Variants in MOCOS observed in about 807,000 individuals in gnomAD.
MOCOS encodes molybdenum cofactor sulfurase, also known as human molybdenum cofactor sulfurase.
Under a neutral mutation model 83.6 loss-of-function variants are expected in MOCOS, and 86 were observed. The observed-to-expected ratio is 1.03, with a 90% CI of 0.86 to 1.23. The LOEUF is 1.23. Ranked by LOEUF, MOCOS falls within the 50% of genes most tolerant of loss-of-function variation. The probability of loss-of-function intolerance (pLI) is 0.00; values close to 1 mark genes in which losing one functional copy is unlikely to be tolerated. For synonymous variants in MOCOS, 445 were observed against 434.7 expected, an observed-to-expected ratio of 1.02 and a Z score of -0.29; for missense variants, 1,120 against 1,126.9, an observed-to-expected ratio of 0.99 and a Z score of 0.09.
At position 36,223,154 on chromosome 18, in the gene MOCOS, A is replaced by G. The variant is rs541082930; in HGVS notation, c.1960+2937A>G. Among the ~76,000 whole-genome samples, 154 of 152,274 alleles carry G rather than the reference A, an allele frequency of 1.0e-3. 1 individual carries two copies. The highest frequency in any genetic ancestry group is 3.5e-3 in the African/African-American group (146 of 41,552). On this transcript the variant is annotated intron_variant, in intron 9 of 14. Transcript: ENST00000261326. ...TTGTGCTTTGGGTGTCATATTCACA[A>G]AGTTATTGCCAAGACCAATGTCATG... is the stretch of plus-strand genomic sequence containing the variant.
In MOCOS at chr18:36,266,871, A is replaced by T. The variant is rs1219408689; in HGVS notation, c.2514+18A>T. The T allele has an allele frequency of 2.1e-5, 33 of 1,585,864 alleles. No individual in the cohort carries two copies. The highest frequency in any genetic ancestry group is 2.9e-5 in the Non-Finnish European group (33 of 1,155,014). On this transcript the variant is annotated intron_variant, in intron 14 of 14. Transcript: ENST00000261326. ...AAACAAAGGTAAGCGTGATTGCAAA[A>T]TATGACACCTGGTTTCCAATCCTGG... is the stretch of plus-strand genomic sequence containing the variant.
intron 13 of MOCOS, among the ~76,000 whole-genome samples, chr18:36,263,714 T>A (rs2091671902): frequency 6.6e-6 from 1 of 152,232 alleles, no homozygotes; most frequent in African/African-American, 2.4e-5. Context: ...GAGAGGGGGA[T>A]CACTGCTGTT....
chr18:36,196,066 C>T (rs529198534), intron 2 of MOCOS, among the ~76,000 whole-genome samples: 32 of 152,046 alleles, frequency 2.1e-4, no homozygotes, highest in African/African-American at 5.3e-4. Flanking sequence ...TCCAGGAACA[C>T]GGAAGGGAGA....
chr18:36,198,792 CTAGGCAGACA>C (rs1206237029), intron 3 of MOCOS, 36 bp downstream of exon 3: 1 of 1,604,922 alleles, frequency 6.2e-7, no homozygotes, highest in Admixed American at 1.7e-5. Context: ...CTGGGCATAC[CTAGGCAGACA>C]GACTTCCTTC....
At chr18:36,188,991 A>G (rs1220602774) in intron 1 of MOCOS, among the ~76,000 whole-genome samples, 1 of 151,820 alleles carries the variant, frequency 6.6e-6, no homozygotes, top group African/African-American at 2.4e-5. Flanking sequence ...GGTACTATGA[A>G]TGCCTACAGG....
At chr18:36,242,505 C>T (rs1480773513) in intron 9 of MOCOS, among the ~76,000 whole-genome samples, 1 of 152,234 alleles carries the variant, frequency 6.6e-6, no homozygotes, top group African/African-American at 2.4e-5. Context: ...GTCTCTTCCA[C>T]ATTTTCAAGT....
intron 5 of MOCOS, among the ~76,000 whole-genome samples, chr18:36,203,852 G>A (rs1241439339): frequency 6.6e-6 from 1 of 152,180 alleles, no homozygotes; most frequent in Non-Finnish European, 1.5e-5. Context: ...AGGTGAGTGG[G>A]CATGATCTGG....
At position 36,198,728 on chromosome 18, in the gene MOCOS, C is replaced by T; in HGVS notation, c.271C>T (p.His91Tyr). The change falls in exon 3 of 15, where the codon CAT becomes TAT. Residue 91 changes from histidine (H) to tyrosine (Y), a missense_variant. His to Tyr is a moderately conservative substitution (Grantham distance 83). Transcript: ENST00000261326. ...HSQNISSKLT[H>Y]DTVEQVRYRI... ...CCAGAACATCAGCAGCAAGCTCACC[C>T]ATGACACTGTGGAGCAGGTGCGCTA... is the stretch of plus-strand genomic sequence containing the variant. 1 of 1,614,198 alleles carries T rather than the reference C, an allele frequency of 6.2e-7. No homozygotes were observed. Among genetic ancestry groups the T allele is most frequent in the East Asian group, 2.2e-5 (1 of 44,876 alleles).
chr18:36,218,905 G>T (rs1371453088), intron 8 of MOCOS, among the ~76,000 whole-genome samples: 1 of 149,954 alleles, frequency 6.7e-6, no homozygotes, highest in African/African-American at 2.4e-5. Context: ...GTCTCGCTCT[G>T]TCGCCCAGAC....
At chr18:36,261,604 A>G (rs1322339579) in intron 13 of MOCOS, among the ~76,000 whole-genome samples, 1 of 152,176 alleles carries the variant, frequency 6.6e-6, no homozygotes, top group Admixed American at 6.5e-5. Context: ...AATAAATTGC[A>G]TGGCACAATA....
At chr18:36,244,447 G>T (rs1281024602) in intron 9 of MOCOS, among the ~76,000 whole-genome samples, 1 of 151,960 alleles carries the variant, frequency 6.6e-6, no homozygotes, top group African/African-American at 2.4e-5. Context: ...GTTCTTTTTG[G>T]AGTTAATTTC....
intron 9 of MOCOS, among the ~76,000 whole-genome samples, 169 bp downstream of exon 9, chr18:36,220,386 G>A (rs148247925): frequency 6.6e-6 from 1 of 152,078 alleles, no homozygotes; most frequent in Non-Finnish European, 1.5e-5. Flanking sequence ...GCACGTGCCT[G>A]TAATCTCAGC....
chr18:36,250,511 G>A (rs755294632), intron 10 of MOCOS, among the ~76,000 whole-genome samples: 1 of 152,200 alleles, frequency 6.6e-6, no homozygotes, highest in Admixed American at 6.5e-5. Flanking sequence ...ACACAGTGGA[G>A]AATCCTGGGC....
chr18:36,248,923 G>A lies in MOCOS; in HGVS notation c.1962G>A (p.Gly654=). ...RQRIMVIKAK[G]MEPIEVPLEE... is the part of the protein sequence containing the mutation. ...TTGTTTTTAACCTTTGTTCATTAGG[G>A]ATGGAGCCTATAGAGGTGCCTCTTG... Residue 654 remains glycine (G), a splice_region_variant and synonymous_variant, in exon 10 of 15, where the codon GGG becomes GGA. Coordinates refer to ENST00000261326, the MANE Select transcript of MOCOS (RefSeq NM_017947.4). 6.2e-7 allele frequency: 1 copy of A among 1,613,524 alleles called. No individual in the cohort carries two copies. The highest frequency in any genetic ancestry group is 8.5e-7 in the Non-Finnish European group (1 of 1,179,468).
chr18:36,224,618 A>C (rs1331711024), intron 9 of MOCOS, among the ~76,000 whole-genome samples: 1 of 151,976 alleles, frequency 6.6e-6, no homozygotes, highest in South Asian at 2.1e-4. Flanking sequence ...TCATCCTTAC[A>C]TCCCAGGAAT....
intron 13 of MOCOS, among the ~76,000 whole-genome samples, chr18:36,263,638 G>A (rs928106792): frequency 6.6e-6 from 1 of 152,116 alleles, no homozygotes; most frequent in Non-Finnish European, 1.5e-5. Flanking sequence ...TAGGATGGCC[G>A]GGGACAATCT....
intron 13 of MOCOS, among the ~76,000 whole-genome samples, chr18:36,264,913 T>C (rs2144158422): frequency 6.6e-6 from 1 of 152,120 alleles, no homozygotes; most frequent in East Asian, 1.9e-4. Flanking sequence ...CCAGAGAAAA[T>C]GATCTCCTAA....
Position 36,271,429 on chromosome 18 carries a change from T to C in MOCOS, c.*2744T>C, listed in dbSNP as rs1162318186. ...GTGTCTACCTTCAATATTTCTTGTA[T>C]GAAGTTTCAGCTAAAAATGTACTTT... On this transcript the variant is annotated 3_prime_UTR_variant, in exon 15 of 15. Transcript: ENST00000261326. The C allele has an allele frequency of 1.3e-5, 2 of 152,210 alleles. No homozygotes were observed. Among genetic ancestry groups the C allele is most frequent in the Non-Finnish European group, 2.9e-5 (2 of 68,036 alleles). The allele number at this position is 152,210 out of a possible 1,614,324, so 9.4% of individuals were successfully genotyped here.
rs890456473 is a variant in MOCOS, at chr18:36,198,734, A to G, written c.277A>G (p.Thr93Ala). The G allele has an allele frequency of 6.2e-7, 1 of 1,614,170 alleles. No individual in the cohort carries two copies. The highest frequency in any genetic ancestry group is 1.7e-5 in the Admixed American group (1 of 60,016). The change falls in exon 3 of 15, where the codon ACT (threonine) becomes GCT (alanine). Residue 93 changes from threonine (T) to alanine (A), a missense_variant. Thr to Ala is a moderately conservative substitution (Grantham distance 58). Transcript: ENST00000261326. ...CATCAGCAGCAAGCTCACCCATGAC[A>G]CTGTGGAGCAGGTGCGCTACAGGTA... ...QNISSKLTHD[T>A]VEQVRYRILA...
Sources: allele counts gnomAD v4.1 joint callset (sites outside exome capture counted in the v4.1 genomes callset), GRCh38; gene constraint gnomAD v4.1.1; transcripts MANE v1.5; gene names NCBI Gene and HGNC (gene_info 2026-07-23, HGNC 2026-07-21).